Variants in SMIM43 observed in about 807,000 individuals in gnomAD.
SMIM43 encodes Nodal Enhanced MEsendoderm Peptide.
chr4:121,760,178 C>T lies in SMIM43; in HGVS notation c.*796G>A. ...GCTCCTCTGCAACTGTATTCTGTAG[C>T]CAGGGCATAAAATGTTAGTTGTCCT... On this transcript the variant is annotated 3_prime_UTR_variant, in exon 6 of 6. Coordinates refer to ENST00000643802, the MANE Select transcript of SMIM43 (RefSeq NM_001384332.1). 9 of 1,456,692 alleles carry T rather than the reference C, an allele frequency of 6.2e-6. No homozygotes were observed. Among genetic ancestry groups the T allele is most frequent in the Non-Finnish European group, 8.3e-6 (9 of 1,087,096 alleles). 90.2% of individuals were successfully genotyped at this position (1,456,692 alleles called of 1,614,324 possible). A position where few individuals can be genotyped will look rare whatever the true frequency, so the allele number is the denominator to read the frequency against.
chr4:121,764,941 C>G lies in SMIM43; in HGVS notation c.165G>C (p.Trp55Cys), dbSNP rs1195852311. ...ACACCGCTTGCTCTCGGGAGAAGCC[C>G]CAAGGCTCGCGGTGCACCGAGAGGC... is the stretch of plus-strand genomic sequence containing the variant. ...PGRLSVHREPWGFSREQAV is the reference protein window; with the variant it reads ...PGRLSVHREPCGFSREQAV Residue 55 changes from tryptophan to cysteine, a missense_variant, in exon 1 of 6, where the codon TGG (tryptophan) becomes TGC (cysteine). By Grantham distance (215) the Trp-to-Cys change is radical. Transcript: ENST00000643802. 2.5e-6 allele frequency: 1 copy of G among 398,460 alleles called. No individual in the cohort carries two copies. The highest frequency in any genetic ancestry group is 2.1e-5 in the African/African-American group (1 of 48,626). 24.7% of individuals were successfully genotyped at this position (398,460 alleles called of 1,614,324 possible). A position where few individuals can be genotyped will look rare whatever the true frequency, so the allele number is the denominator to read the frequency against.
At chr4:121,764,349 C>A (rs948373841) in intron 1 of SMIM43, 3 of 152,062 alleles carry the variant, frequency 2.0e-5, no homozygotes, top group African/African-American at 7.2e-5. Flanking sequence ...CCAGACGAAC[C>A]CCATTTACCA....
intron 5 of SMIM43, among the ~76,000 whole-genome samples, chr4:121,761,190 C>T (rs1726043735): frequency 6.6e-6 from 1 of 151,746 alleles, no homozygotes; most frequent in African/African-American, 2.4e-5. Context: ...GTGACACAGA[C>T]ATCTGACAGT....
intron 5 of SMIM43, among the ~76,000 whole-genome samples, chr4:121,761,325 G>A (rs1390918854): frequency 1.3e-5 from 2 of 151,112 alleles, no homozygotes; most frequent in African/African-American, 4.9e-5. Flanking sequence ...CATTACATTA[G>A]TATCTTTAGT....
At position 121,760,279 on chromosome 4, in the gene SMIM43, CA is replaced by C; in HGVS notation, c.*694del. The C allele has an allele frequency of 6.3e-7, 1 of 1,589,778 alleles. No homozygotes were observed. Among genetic ancestry groups the C allele is most frequent in the Non-Finnish European group, 8.5e-7 (1 of 1,170,468 alleles). ...TCAAAGGCAGTTATATATCCAGCTACAAAAACTACATTTCTCAGACAATCTT... is the reference window on the plus strand; with the variant it reads ...TCAAAGGCAGTTATATATCCAGCTACAAAACTACATTTCTCAGACAATCTT... On this transcript the variant is annotated 3_prime_UTR_variant, in exon 6 of 6. Transcript: ENST00000643802.
At chr4:121,761,977 T>C (rs1726098421) in intron 3 of SMIM43, 85 bp from the exon 4 acceptor site, 9 of 1,197,778 alleles carry the variant, frequency 7.5e-6, no homozygotes, top group South Asian at 7.5e-5. Flanking sequence ...CATTTCCTTA[T>C]AATGTAAGAA....
Position 121,760,125 on chromosome 4 carries a change from C to A in SMIM43, c.*849G>T. 1 of 1,048,964 alleles carries A rather than the reference C, an allele frequency of 9.5e-7. No homozygotes were observed. Among genetic ancestry groups the A allele is most frequent in the African/African-American group, 1.6e-5 (1 of 62,142 alleles). The allele number at this position is 1,048,964 out of a possible 1,614,324, so 65.0% of individuals were successfully genotyped here. A position where few individuals can be genotyped will look rare whatever the true frequency, so the allele number is the denominator to read the frequency against. On this transcript the variant is annotated 3_prime_UTR_variant, in exon 6 of 6. Transcript: ENST00000643802. ...TGGAGCTTTGACAGTTGTGAAGGAA[C>A]TAGAGTTTTGATCTTTTTGAACTTT...
chr4:121,764,982 C>A lies in SMIM43; in HGVS notation c.124G>T (p.Ala42Ser). The change falls in exon 1 of 6, where the codon GCG becomes TCG. Residue 42 changes from alanine (A) to serine (S), a missense_variant. Physicochemically the swap from Ala to Ser is moderately conservative, Grantham distance 99 (BLOSUM62 1). Transcript: ENST00000643802. ...LKNSVANTAGALQPGRLSVHR... is the reference protein window; with the variant it reads ...LKNSVANTAGSLQPGRLSVHR... ...ACCGAGAGGCGCCCGGGCTGGAGCG[C>A]CCCGGCCGTGTTGGCCACGGAGTTC... 1 of 398,672 alleles carries A rather than the reference C, an allele frequency of 2.5e-6. No individual in the cohort carries two copies. The highest frequency in any genetic ancestry group is 4.4e-6 in the Non-Finnish European group (1 of 225,790). The allele number at this position is 398,672 out of a possible 1,614,324, so 24.7% of individuals were successfully genotyped here. A position where few individuals can be genotyped will look rare whatever the true frequency, so the allele number is the denominator to read the frequency against.
chr4:121,765,228 G>A (rs1219622214), upstream of SMIM43: 1 of 382,076 alleles, frequency 2.6e-6, no homozygotes. Flanking sequence ...CCCGCTATGG[G>A]CGCCGACTCC....
In SMIM43 at chr4:121,764,265, C is replaced by T. The variant is rs545058718; in HGVS notation, c.*98-393G>A. The T allele has an allele frequency of 2.6e-5, 4 of 152,304 alleles. No individual in the cohort carries two copies. The East Asian group carries it at 7.7e-4, about 29-fold the overall frequency. The allele number at this position is 152,304 out of a possible 1,614,324, so 9.4% of individuals were successfully genotyped here. On this transcript the variant is annotated intron_variant, in intron 1 of 5. Coordinates refer to ENST00000643802, the MANE Select transcript of SMIM43 (RefSeq NM_001384332.1). The stretch of plus-strand genomic sequence containing the variant: ...TGGTGGCTAGAATATGAGTAAGGAT[C>T]ACCGGGAGGAAGGGATTCCTCCCTC...
chr4:121,760,399 T>C lies in SMIM43; in HGVS notation c.*575A>G. The C allele has an allele frequency of 1.3e-5, 20 of 1,588,660 alleles. No individual in the cohort carries two copies. Among genetic ancestry groups the C allele is most frequent in the Non-Finnish European group, 1.7e-5 (20 of 1,166,312 alleles). ...GGAAGCTCTTTAAAAGGAAGTGGAT[T>C]TGAACTGGCATGCCCCGTTTTCTCT... is the stretch of plus-strand genomic sequence containing the variant. On this transcript the variant is annotated 3_prime_UTR_variant, in exon 6 of 6. Transcript: ENST00000643802.
At chr4:121,760,574 C>T in intron 5 of SMIM43, 100 bp from the exon 6 acceptor site, 1 of 1,407,790 alleles carries the variant, frequency 7.1e-7, no homozygotes, top group Non-Finnish European at 9.3e-7. Context: ...CTCTAACCTC[C>T]TTGTTCTGTG....
upstream of SMIM43, chr4:121,765,196 CT>C: frequency 2.6e-6 from 1 of 387,212 alleles, no homozygotes; most frequent in Non-Finnish European, 4.6e-6. Context: ...ACCTCCCGCA[CT>C]CCCGCCCCTC....
rs758905329 is a variant in SMIM43, at chr4:121,761,866, G to A, written c.*305C>T. On this transcript the variant is annotated 3_prime_UTR_variant, in exon 4 of 6. Coordinates refer to ENST00000643802, the MANE Select transcript of SMIM43 (RefSeq NM_001384332.1). ...TTAGTGCAACAGCCAAGATTGTCCT[G>A]ATAAGATCTGAAGCCATTTTGAACA... The A allele has an allele frequency of 3.7e-6, 6 of 1,611,670 alleles. No homozygotes were observed. The highest frequency in any genetic ancestry group is 5.1e-6 in the Non-Finnish European group (6 of 1,179,266).
At chr4:121,761,252 C>T (rs879413699) in intron 5 of SMIM43, among the ~76,000 whole-genome samples, 14 of 152,206 alleles carry the variant, frequency 9.2e-5, no homozygotes, top group South Asian at 4.2e-4. Context: ...TAAATATGCA[C>T]GAATATCTCA....
rs1725924155 is a variant in SMIM43, at chr4:121,759,259, C to T, written c.*1715G>A. On this transcript the variant is annotated 3_prime_UTR_variant, in exon 6 of 6. Transcript: ENST00000643802. ...GTGCAATATATAGATGTCAAGTTAACATCTTGAATTTAATTCCAAATACCA... is the reference window on the plus strand; with the variant it reads ...GTGCAATATATAGATGTCAAGTTAATATCTTGAATTTAATTCCAAATACCA... 1 of 152,196 alleles carries T rather than the reference C, an allele frequency of 6.6e-6. No individual in the cohort carries two copies. The highest frequency in any genetic ancestry group is 1.5e-5 in the Non-Finnish European group (1 of 68,026). 9.4% of individuals were successfully genotyped at this position (152,196 alleles called of 1,614,324 possible). A position where few individuals can be genotyped will look rare whatever the true frequency, so the allele number is the denominator to read the frequency against.
At chr4:121,761,424 T>C (rs1313127217) in intron 5 of SMIM43, 114 bp downstream of exon 5, 1 of 993,252 alleles carries the variant, frequency 1.0e-6, no homozygotes, top group African/African-American at 1.6e-5. Context: ...TTACAAACTT[T>C]AAAATTTTGG....
Position 121,760,396 on chromosome 4 carries a change from G to C in SMIM43, c.*578C>G. The C allele has an allele frequency of 6.3e-7, 1 of 1,590,838 alleles. No individual in the cohort carries two copies. Among genetic ancestry groups the C allele is most frequent in the Non-Finnish European group, 8.6e-7 (1 of 1,167,524 alleles). On this transcript the variant is annotated 3_prime_UTR_variant, in exon 6 of 6. Coordinates refer to ENST00000643802, the MANE Select transcript of SMIM43 (RefSeq NM_001384332.1). ...TGAGGAAGCTCTTTAAAAGGAAGTG[G>C]ATTTGAACTGGCATGCCCCGTTTTC... is the stretch of plus-strand genomic sequence containing the variant.
chr4:121,761,856 A>C lies in SMIM43; in HGVS notation c.*315T>G, dbSNP rs2110524677. ...AGTTTGGAAATTAGTGCAACAGCCA[A>C]GATTGTCCTGATAAGATCTGAAGCC... is the stretch of plus-strand genomic sequence containing the variant. On this transcript the variant is annotated 3_prime_UTR_variant, in exon 4 of 6. Transcript: ENST00000643802. 6.2e-7 allele frequency: 1 copy of C among 1,613,034 alleles called. No individual in the cohort carries two copies. Among genetic ancestry groups the C allele is most frequent in the African/African-American group, 1.3e-5 (1 of 75,050 alleles).
Sources: allele counts gnomAD v4.1 joint callset (sites outside exome capture counted in the v4.1 genomes callset), GRCh38; gene constraint gnomAD v4.1.1; transcripts MANE v1.5; gene names NCBI Gene and HGNC (gene_info 2026-07-23, HGNC 2026-07-21).